ATF6: variants seen among roughly 807,000 people sequenced by gnomAD.
The protein encoded by ATF6 is cyclic AMP-dependent transcription factor ATF-6 alpha.
A neutral mutation model predicts 83.6 loss-of-function variants in ATF6; 53 were observed. That is an observed-to-expected ratio of 0.63 (90% CI 0.51 to 0.80). ATF6 has a LOEUF of 0.80. Among genes scored for constraint, ATF6 ranks in the 30% least tolerant of loss-of-function variants. The pLI, the probability that ATF6 is intolerant of heterozygous loss-of-function variation, is 0.00. For missense variants in ATF6, 744 were observed against 797.9 expected (o/e 0.93, Z 0.81); for synonymous variants, 288 against 285.8 (o/e 1.01, Z -0.08).
intron 6 of ATF6, among the ~76,000 whole-genome samples, chr1:161,793,884 A>T (rs1684943217): frequency 6.6e-6 from 1 of 152,084 alleles, no homozygotes; most frequent in Non-Finnish European, 1.5e-5. Context: ...AGCATGTGCT[A>T]ATATGAGGAA....
At chr1:161,913,719 A>G (rs1254614343) in intron 15 of ATF6, among the ~76,000 whole-genome samples, 2 of 152,206 alleles carry the variant, frequency 1.3e-5, no homozygotes, top group Admixed American at 6.5e-5. Flanking sequence ...ATTTTATTAC[A>G]TTCCAAAGAA....
intron 15 of ATF6, among the ~76,000 whole-genome samples, chr1:161,928,883 A>G (rs1315810269): frequency 6.6e-6 from 1 of 152,196 alleles, no homozygotes; most frequent in Non-Finnish European, 1.5e-5. Context: ...AACATGAGAA[A>G]TCTTCCGCCC....
intron 14 of ATF6, among the ~76,000 whole-genome samples, chr1:161,909,910 C>A (rs1326180969): frequency 2.0e-5 from 3 of 152,034 alleles, no homozygotes; most frequent in African/African-American, 7.2e-5. Flanking sequence ...GAATGGAGAT[C>A]GTGCCACTGC....
chr1:161,891,522 C>G (rs752752650), intron 14 of ATF6: 1 of 152,250 alleles, frequency 6.6e-6, no homozygotes, highest in Non-Finnish European at 1.5e-5. Flanking sequence ...GGAAGATTAT[C>G]GCTGCACTGT....
intron 15 of ATF6, among the ~76,000 whole-genome samples, chr1:161,919,274 G>A (rs1425601650): frequency 6.6e-6 from 1 of 152,134 alleles, no homozygotes; most frequent in Non-Finnish European, 1.5e-5. Context: ...CTTTGAAAAG[G>A]CTTTTTTAAA....
chr1:161,941,045 C>A (rs1688633513), intron 15 of ATF6, among the ~76,000 whole-genome samples: 1 of 152,162 alleles, frequency 6.6e-6, no homozygotes, highest in Non-Finnish European at 1.5e-5. Flanking sequence ...TCTCTCAGTG[C>A]CCAACACATA....
intron 14 of ATF6, among the ~76,000 whole-genome samples, 187 bp downstream of exon 14, chr1:161,863,499 ATGAAC>A (rs1348457190): frequency 6.6e-6 from 1 of 152,222 alleles, no homozygotes; most frequent in Non-Finnish European, 1.5e-5. Context: ...TATTATAAAG[ATGAAC>A]ATGGAATTGG....
intron 14 of ATF6, among the ~76,000 whole-genome samples, chr1:161,872,434 A>T (rs1382487059): frequency 6.6e-6 from 1 of 151,546 alleles, no homozygotes; most frequent in Non-Finnish European, 1.5e-5. Flanking sequence ...TTTTCCAGAG[A>T]CTAAGACAAA....
At chr1:161,821,262 TC>T in intron 9 of ATF6, 101 bp downstream of exon 9, 1 of 801,688 alleles carries the variant, frequency 1.2e-6, no homozygotes, top group Non-Finnish European at 2.0e-6. Flanking sequence ...GATTTGTTTT[TC>T]AAGATGTGTA....
At chr1:161,895,194 G>A (rs942540911) in intron 14 of ATF6, among the ~76,000 whole-genome samples, 9 of 152,114 alleles carry the variant, frequency 5.9e-5, no homozygotes, top group Admixed American at 3.3e-4. Flanking sequence ...CTGAGATCAT[G>A]CCACTGCACT....
chr1:161,842,942 G>C (rs540866358), intron 9 of ATF6, among the ~76,000 whole-genome samples: 3 of 152,296 alleles, frequency 2.0e-5, no homozygotes, highest in African/African-American at 7.2e-5. Context: ...ATCATTTATT[G>C]TCATGCACTT....
intron 9 of ATF6, among the ~76,000 whole-genome samples, chr1:161,843,364 G>A (rs1686403292): frequency 6.6e-6 from 1 of 152,076 alleles, no homozygotes. Flanking sequence ...GCTGTATTCT[G>A]ATTTTTTTTA....
At chr1:161,815,207 T>C (rs1328388460) in intron 7 of ATF6, among the ~76,000 whole-genome samples, 1 of 148,582 alleles carries the variant, frequency 6.7e-6, no homozygotes, top group African/African-American at 2.5e-5. Flanking sequence ...TTTTTTTTTT[T>C]TTGAGATAGG....
rs878950245 is a variant in ATF6 at position 161,778,398 on chromosome 1, G to A, written c.159+78G>A. The A allele has an allele frequency of 2.5e-5, 28 of 1,137,002 alleles. No individual in the cohort carries two copies. The South Asian group carries it at 3.7e-4, about 15-fold the overall frequency. 70.4% of individuals were successfully genotyped at this position (1,137,002 alleles called of 1,614,324 possible). On this transcript the variant is annotated intron_variant, in intron 2 of 15. Coordinates refer to ENST00000367942, the MANE Select transcript of ATF6 (RefSeq NM_007348.4). ...ATTGCAAGAAAGTTTCAGGACAACA[G>A]GTTCAGGCTAGTAATTTAAGTTACA...
intron 3 of ATF6, 37 bp downstream of exon 3, chr1:161,782,036 A>G: frequency 1.4e-6 from 2 of 1,430,816 alleles, no homozygotes; most frequent in Middle Eastern, 1.8e-4. Context: ...TTTTAAAAAG[A>G]TCAATTTTAT....
intron 6 of ATF6, among the ~76,000 whole-genome samples, chr1:161,798,224 G>A (rs191662833): frequency 2.6e-5 from 4 of 152,274 alleles, no homozygotes; most frequent in African/African-American, 9.6e-5. Flanking sequence ...GAAAACCTAG[G>A]AAATATGGTT....
chr1:161,846,406 C>T, intron 9 of ATF6, 43 bp from the exon 10 acceptor site: 6 of 1,577,698 alleles, frequency 3.8e-6, no homozygotes, highest in African/African-American at 1.4e-5. Context: ...ATATGTGTGA[C>T]ATATTTTTAT....
chr1:161,920,292 C>CTTTTTTTTT (rs1322896918), intron 15 of ATF6, among the ~76,000 whole-genome samples: 45 of 19,784 alleles, frequency 2.3e-3, no homozygotes, highest in African/African-American at 7.3e-3. Flanking sequence ...CTCTCTCTCT[C>CTTTTTTTTT]TCTTTTTTTT....
chr1:161,783,318 G>T, intron 3 of ATF6, among the ~76,000 whole-genome samples: 1 of 152,110 alleles, frequency 6.6e-6, no homozygotes, highest in East Asian at 1.9e-4. Context: ...CATTGTAGAA[G>T]ATCATGAGGG....
Sources: allele counts gnomAD v4.1 joint callset (sites outside exome capture counted in the v4.1 genomes callset), GRCh38; gene constraint gnomAD v4.1.1; transcripts MANE v1.5; gene names NCBI Gene and HGNC (gene_info 2026-07-23, HGNC 2026-07-21).